Variants in MDFIC observed in about 807,000 individuals in gnomAD.
The protein encoded by MDFIC is MyoD family inhibitor domain containing, also known as myoD family inhibitor domain-containing protein.
A neutral mutation model predicts 23.2 loss-of-function variants in MDFIC; 17 were observed. The observed-to-expected ratio is 0.73, with a 90% CI of 0.50 to 1.10. The LOEUF (loss-of-function observed/expected upper bound fraction) is 1.10, where lower values mean the gene tolerates loss of function less well. Ranked by LOEUF, MDFIC falls within the 50% of genes least tolerant of loss-of-function variation. The pLI is 0.00. For missense variants in MDFIC, 356 were observed against 316.6 expected (o/e 1.12, Z -0.95); for synonymous variants, 120 against 115.2 (o/e 1.04, Z -0.27).
intron 2 of MDFIC, chr7:114,934,002 G>A (rs1792379318): frequency 6.6e-6 from 1 of 152,124 alleles, no homozygotes; most frequent in South Asian, 2.1e-4. Flanking sequence ...ACAGTCCTTG[G>A]CCTGTTCTTG....
intron 4 of MDFIC, among the ~76,000 whole-genome samples, chr7:115,001,299 G>A (rs1791462208): frequency 1.3e-5 from 2 of 152,136 alleles, no homozygotes; most frequent in African/African-American, 2.4e-5. Flanking sequence ...GTTTTCCAAA[G>A]AAATATTAAA....
intron 4 of MDFIC, among the ~76,000 whole-genome samples, chr7:114,982,590 G>A (rs181034640): frequency 6.6e-6 from 1 of 152,110 alleles, no homozygotes; most frequent in Non-Finnish European, 1.5e-5. Context: ...AACTACTCAG[G>A]AGGCTGAGGT....
At chr7:114,954,444 C>T (rs1792845673) in intron 3 of MDFIC, among the ~76,000 whole-genome samples, 1 of 152,228 alleles carries the variant, frequency 6.6e-6, no homozygotes, top group Non-Finnish European at 1.5e-5. Context: ...ATCGGTCGGT[C>T]TTCTCACTTC....
chr7:114,992,894 C>T (rs9706060), intron 4 of MDFIC, among the ~76,000 whole-genome samples: 1 of 152,118 alleles, frequency 6.6e-6, no homozygotes, highest in South Asian at 2.1e-4. Context: ...CCCTCTTTTT[C>T]TATTGATTGG....
Position 114,951,908 on chromosome 7 carries a change from A to T in MDFIC, c.217+9511A>T, listed in dbSNP as rs75696631. On this transcript the variant is annotated intron_variant, in intron 3 of 4. Transcript: ENST00000393486. ...AAATGGAGGGCAGTGCAGAATGAGA[A>T]TGCAGGGTCTCTTGTTAAAATATTA... Among the ~76,000 whole-genome samples, 9 of 152,268 alleles carry T rather than the reference A, an allele frequency of 5.9e-5. No homozygotes were observed. In the East Asian group the frequency reaches 1.7e-3, roughly 29 times the overall value.
chr7:114,995,507 G>T (rs1791304331), intron 4 of MDFIC, among the ~76,000 whole-genome samples: 1 of 152,320 alleles, frequency 6.6e-6, no homozygotes, highest in East Asian at 1.9e-4. Flanking sequence ...TGATGGTAAT[G>T]TGCAGATGGG....
At chr7:114,961,080 C>T (rs1335317577) in intron 3 of MDFIC, among the ~76,000 whole-genome samples, 2 of 152,126 alleles carry the variant, frequency 1.3e-5, no homozygotes, top group South Asian at 2.1e-4. Flanking sequence ...AGGTTTCCTC[C>T]GCACCACCCC....
At chr7:115,002,054 T>C (rs949682685) in intron 4 of MDFIC, among the ~76,000 whole-genome samples, 1 of 152,130 alleles carries the variant, frequency 6.6e-6, no homozygotes, top group African/African-American at 2.4e-5. Context: ...GGAGACTTGC[T>C]TGAGCCCAGG....
chr7:114,993,508 A>G (rs4727810), intron 4 of MDFIC, among the ~76,000 whole-genome samples: 4,921 of 152,210 alleles, frequency 0.032, 176 homozygotes, highest in South Asian at 0.095. Context: ...ATTTCCCTTT[A>G]CACACTGCTT....
chr7:115,006,949 G>A (rs1347075191), intron 4 of MDFIC, among the ~76,000 whole-genome samples: 1 of 152,212 alleles, frequency 6.6e-6, no homozygotes, highest in Admixed American at 6.5e-5. Context: ...CTAGCTTCTG[G>A]AGAAAATAAA....
In MDFIC at chr7:114,953,140, T is replaced by C. The variant is rs570329274; in HGVS notation, c.217+10743T>C. Among the ~76,000 whole-genome samples the C allele has an allele frequency of 2.5e-4, 38 of 152,352 alleles. 1 individual carries two copies. In the South Asian group the frequency reaches 7.2e-3, roughly 29 times the overall value. On this transcript the variant is annotated intron_variant, in intron 3 of 4. Transcript: ENST00000393486. Reference sequence around the variant, plus strand: ...TATTCCTACATATTTAAGTTTTCAGTATTTTAGCCAATTTGTGATAGTTGA... The same window carrying C: ...TATTCCTACATATTTAAGTTTTCAGCATTTTAGCCAATTTGTGATAGTTGA...
At chr7:115,010,353 A>C (rs754361023) in intron 4 of MDFIC, among the ~76,000 whole-genome samples, 12 of 152,160 alleles carry the variant, frequency 7.9e-5, no homozygotes, top group Non-Finnish European at 1.3e-4. Context: ...AGAAGGTTAC[A>C]AATAGAAGGG....
intron 3 of MDFIC, among the ~76,000 whole-genome samples, chr7:114,957,722 C>G (rs972790965): frequency 1.3e-5 from 2 of 152,096 alleles, no homozygotes; most frequent in Non-Finnish European, 2.9e-5. Flanking sequence ...GGAAATATAG[C>G]ATAAGACTAA....
chr7:114,932,533 A>C (rs557746359), intron 2 of MDFIC, among the ~76,000 whole-genome samples: 1 of 152,344 alleles, frequency 6.6e-6, no homozygotes, highest in South Asian at 2.1e-4. Context: ...TGAGTTGCTA[A>C]AGATATATTT....
At chr7:114,957,768 CT>C (rs934100140) in intron 3 of MDFIC, among the ~76,000 whole-genome samples, 1 of 152,146 alleles carries the variant, frequency 6.6e-6, no homozygotes, top group African/African-American at 2.4e-5. Context: ...GCCATTCTTA[CT>C]GTATAAAAGT....
At chr7:114,946,225 AGTGTGTGTGTGTGTGTGT>A (rs141050062) in intron 3 of MDFIC, among the ~76,000 whole-genome samples, 1 of 149,616 alleles carries the variant, frequency 6.7e-6, no homozygotes, top group Non-Finnish European at 1.5e-5. Context: ...TAGGAAGAAG[AGTGTGTGTGTGTGTGTGT>A]GTGTGTGTGT....
At chr7:114,991,738 T>G (rs13236293) in intron 4 of MDFIC, among the ~76,000 whole-genome samples, 12,681 of 152,308 alleles carry the variant, frequency 0.083, 590 homozygotes, top group South Asian at 0.15. Context: ...TACCATGCTG[T>G]TTTGGTTACT....
chr7:114,942,248 A>G, intron 2 of MDFIC, 27 bp from the exon 3 acceptor site: 1 of 1,316,376 alleles, frequency 7.6e-7, no homozygotes, highest in Non-Finnish European at 1.0e-6. Context: ...AAAATCAATT[A>G]TATTAAATGT....
intron 4 of MDFIC, among the ~76,000 whole-genome samples, chr7:114,993,956 G>T (rs764575672): frequency 3.9e-5 from 6 of 152,100 alleles, no homozygotes; most frequent in Non-Finnish European, 7.4e-5. Flanking sequence ...GGGTGTTAAG[G>T]TCTCCCATTA....
Sources: allele counts gnomAD v4.1 joint callset (sites outside exome capture counted in the v4.1 genomes callset), GRCh38; gene constraint gnomAD v4.1.1; transcripts MANE v1.5; gene names NCBI Gene and HGNC (gene_info 2026-07-23, HGNC 2026-07-21).